XPA: variants seen among roughly 807,000 people sequenced by gnomAD.
XPA encodes DNA repair protein complementing XP-A cells.
XPA carries 27 observed loss-of-function variants against 35.7 expected under a neutral mutation model. The ratio of observed to expected loss-of-function variants is 0.76; its 90% CI spans 0.56 to 1.04. The LOEUF is 1.04. XPA is among the 50% of genes least tolerant of loss of function. The pLI, the probability that XPA is intolerant of heterozygous loss-of-function variation, is 0.00. For synonymous variants in XPA, 133 were observed against 118.4 expected (o/e 1.12, Z -0.80); for missense variants, 354 against 342.7 (o/e 1.03, Z -0.26).
At chr9:97,660,738 G>A in the XPA span, among the ~76,000 whole-genome samples, 1 of 152,082 alleles carries the variant, frequency 6.6e-6, no homozygotes, top group Admixed American at 6.5e-5. Flanking sequence ...AATGAGAATT[G>A]TCCCTTTTTA....
intron 5 of XPA, among the ~76,000 whole-genome samples, chr9:97,681,285 C>T (rs1201181201): frequency 6.6e-6 from 1 of 152,106 alleles, no homozygotes; most frequent in Admixed American, 6.5e-5. Context: ...CATGGTGCCC[C>T]TTGTTAACAG....
At chr9:97,682,967 T>G (rs748662668) in intron 5 of XPA, among the ~76,000 whole-genome samples, 1 of 152,208 alleles carries the variant, frequency 6.6e-6, no homozygotes, top group Non-Finnish European at 1.5e-5. Context: ...TACAGGAATT[T>G]AGTTACCATT....
intron 3 of XPA, among the ~76,000 whole-genome samples, chr9:97,689,287 G>A (rs1332248770): frequency 6.6e-6 from 1 of 151,982 alleles, no homozygotes; most frequent in Non-Finnish European, 1.5e-5. Flanking sequence ...CAGGCCAGCA[G>A]AAAAAGAAAA....
chr9:97,667,506 A>T, the XPA span, among the ~76,000 whole-genome samples: 4 of 152,188 alleles, frequency 2.6e-5, no homozygotes, highest in Non-Finnish European at 5.9e-5. Flanking sequence ...ACATATATGG[A>T]TATAAACACT....
At chr9:97,686,945 T>C in intron 4 of XPA, 151 bp downstream of exon 4, 2 of 716,846 alleles carry the variant, frequency 2.8e-6, no homozygotes, top group South Asian at 4.2e-5. Flanking sequence ...AAACATGTTA[T>C]TAAATGTCAT....
intron 2 of XPA, among the ~76,000 whole-genome samples, chr9:97,693,245 T>C (rs1828945044): frequency 6.6e-6 from 1 of 152,210 alleles, no homozygotes; most frequent in African/African-American, 2.4e-5. Context: ...TGCTGGTCTA[T>C]CTTATACTTT....
chr9:97,671,971 A>G (rs1246005697), downstream of XPA: 1 of 152,214 alleles, frequency 6.6e-6, no homozygotes, highest in Non-Finnish European at 1.5e-5. Flanking sequence ...CCTTGGGGTT[A>G]TTTGTCCAAG....
chr9:97,663,577 C>T, the XPA span, among the ~76,000 whole-genome samples: 522 of 151,992 alleles, frequency 3.4e-3, 1 homozygote, highest in Non-Finnish European at 5.4e-3. Context: ...CTCCGCCTCC[C>T]GGGTTCAAGT....
At chr9:97,664,127 T>C in the XPA span, among the ~76,000 whole-genome samples, 1 of 151,964 alleles carries the variant, frequency 6.6e-6, no homozygotes, top group Non-Finnish European at 1.5e-5. Flanking sequence ...TGCAGTGAGC[T>C]GAGATCGTGC....
At chr9:97,691,496 G>T (rs888806310) in intron 2 of XPA, among the ~76,000 whole-genome samples, 2 of 152,128 alleles carry the variant, frequency 1.3e-5, no homozygotes, top group Non-Finnish European at 2.9e-5. Flanking sequence ...GAGTCCAGGA[G>T]TTCGACACCA....
the XPA span, among the ~76,000 whole-genome samples, chr9:97,657,641 C>T: frequency 2.6e-5 from 4 of 152,124 alleles, no homozygotes; most frequent in Middle Eastern, 0.01. Context: ...GATCTCCATC[C>T]TGCTTTTAGC....
At chr9:97,692,705 C>T (rs1034579686) in intron 2 of XPA, among the ~76,000 whole-genome samples, 2 of 152,146 alleles carry the variant, frequency 1.3e-5, no homozygotes, top group Admixed American at 6.5e-5. Flanking sequence ...CAAACTGTCA[C>T]TCCCTTTTAC....
At chr9:97,668,400 C>G in the XPA span, among the ~76,000 whole-genome samples, 1 of 152,126 alleles carries the variant, frequency 6.6e-6, no homozygotes, top group Non-Finnish European at 1.5e-5. Context: ...CTTAAACAGC[C>G]CACTTTGAAT....
chr9:97,675,414 T>C lies in XPA; in HGVS notation c.*25A>G. 6.2e-7 allele frequency: 1 copy of C among 1,606,524 alleles called. No homozygotes were observed. Among genetic ancestry groups the C allele is most frequent in the Non-Finnish European group, 8.5e-7 (1 of 1,177,242 alleles). ...TCCTTTATTTAAATATAAAATTCTA[T>C]AAAACAGGTCACTGAACTAAAAAAT... On this transcript the variant is annotated 3_prime_UTR_variant, in exon 6 of 6. Coordinates refer to ENST00000375128, the MANE Select transcript of XPA (RefSeq NM_000380.4).
At chr9:97,662,567 A>C in the XPA span, among the ~76,000 whole-genome samples, 1 of 152,206 alleles carries the variant, frequency 6.6e-6, no homozygotes, top group African/African-American at 2.4e-5. Flanking sequence ...GAAAGAGCAC[A>C]TAGATTTTCC....
intron 5 of XPA, among the ~76,000 whole-genome samples, chr9:97,679,097 A>G (rs1259100828): frequency 6.6e-6 from 1 of 152,234 alleles, no homozygotes; most frequent in Admixed American, 6.5e-5. Flanking sequence ...TGGAGGGCAG[A>G]TTAGACATAA....
intron 5 of XPA, chr9:97,682,355 T>C (rs769653992): frequency 6.0e-5 from 31 of 518,780 alleles, no homozygotes; most frequent in Non-Finnish European, 1.9e-5. Flanking sequence ...CACAGTAAGC[T>C]CCTTGTGTCT....
the XPA span, among the ~76,000 whole-genome samples, chr9:97,668,692 GTA>G: frequency 6.7e-6 from 1 of 150,208 alleles, no homozygotes. Flanking sequence ...GGACTTTGAG[GTA>G]TATATGTGTG....
the XPA span, chr9:97,655,979 T>C: frequency 6.3e-7 from 1 of 1,579,598 alleles, no homozygotes; most frequent in South Asian, 1.1e-5. Context: ...AGATTATATG[T>C]AAGCATTGAT....
Sources: gnomAD v4.1 joint callset for allele counts (sites outside exome capture counted in the v4.1 genomes callset) on GRCh38, gnomAD v4.1.1 for gene constraint, MANE v1.5 for transcripts, NCBI Gene and HGNC (gene_info 2026-07-23, HGNC 2026-07-21) for gene names.